Variants in EML5 observed in about 807,000 individuals in gnomAD.
EML5 encodes the protein echinoderm microtubule-associated protein-like 5.
Under a neutral mutation model 250.0 loss-of-function variants are expected in EML5, and 120 were observed. The observed-to-expected ratio is 0.48, with a 90% CI of 0.41 to 0.56. The LOEUF (loss-of-function observed/expected upper bound fraction) is 0.56. Ranked by LOEUF, EML5 falls within the 20% of genes least tolerant of loss-of-function variation. EML5 has a pLI of 0.00. For missense variants in EML5, 2,006 were observed against 2,437.6 expected (o/e 0.82, Z 3.73); for synonymous variants, 771 against 806.5 (o/e 0.96, Z 0.75).
chr14:88,691,434 C>A (rs1380040111), intron 17 of EML5, among the ~76,000 whole-genome samples: 1 of 152,170 alleles, frequency 6.6e-6, no homozygotes, highest in African/African-American at 2.4e-5. Flanking sequence ...AAGTTTGCCA[C>A]CTTTGGTTCA....
intron 17 of EML5, among the ~76,000 whole-genome samples, chr14:88,690,166 G>T (rs999458755): frequency 6.6e-6 from 1 of 152,192 alleles, no homozygotes; most frequent in African/African-American, 2.4e-5. Context: ...CAAAGAAGGG[G>T]AGACAGTAAT....
At position 88,613,865 on chromosome 14, in the gene EML5, A is replaced by G. The variant is rs1030596963; in HGVS notation, c.*1953T>C. On this transcript the variant is annotated 3_prime_UTR_variant, in exon 44 of 44. Coordinates refer to ENST00000554922, the MANE Select transcript of EML5 (RefSeq NM_183387.3). Reference sequence around the variant, plus strand: ...ACATAGGGCAGATTCTATATGGCCTATCATGTTTCTTCACCTTCCCCTCGT... The same window carrying G: ...ACATAGGGCAGATTCTATATGGCCTGTCATGTTTCTTCACCTTCCCCTCGT... The G allele has an allele frequency of 3.3e-5, 5 of 152,238 alleles. No homozygotes were observed. The highest frequency in any genetic ancestry group is 2.1e-4 in the South Asian group (1 of 4,832). The allele number at this position is 152,238 out of a possible 1,614,324, so 9.4% of individuals were successfully genotyped here.
chr14:88,706,489 A>AT (rs1390617854), intron 10 of EML5, 63 bp from the exon 11 acceptor site: 5 of 1,201,768 alleles, frequency 4.2e-6, no homozygotes, highest in African/African-American at 1.6e-5. Context: ...ATTTCAAACA[A>AT]TTTTTATATA....
intron 25 of EML5, among the ~76,000 whole-genome samples, chr14:88,659,011 GCTT>G (rs1020638772): frequency 5.3e-5 from 8 of 151,914 alleles, no homozygotes; most frequent in Non-Finnish European, 7.4e-5. Context: ...ATTCATTAGT[GCTT>G]TTTTTTGTAA....
chr14:88,766,497 C>T (rs796101337), intron 1 of EML5, among the ~76,000 whole-genome samples: 9 of 152,234 alleles, frequency 5.9e-5, no homozygotes, highest in African/African-American at 1.4e-4. Context: ...CTTATTGGGA[C>T]GAGGAAATTC....
intron 1 of EML5, among the ~76,000 whole-genome samples, chr14:88,763,068 A>G (rs1226344919): frequency 6.6e-6 from 1 of 152,332 alleles, no homozygotes; most frequent in East Asian, 1.9e-4. Context: ...AAAGATCTAA[A>G]ATCGACACCC....
Position 88,792,422 on chromosome 14 carries a change from G to A in EML5, c.82C>T (p.Leu28Phe), listed in dbSNP as rs2094620188. ...ATCTCCTTGGCCGCAGTGTAGTAGA[G>A]GTTGTTGCGGCACTGGTGGCCCCGG... The part of the protein sequence containing the change: ...GYRGHQCRNN[L>F]YYTAAKEIVY... Residue 28 changes from leucine to phenylalanine, a missense_variant, in exon 1 of 44, where the codon CTC becomes TTC. Coordinates refer to ENST00000554922, the MANE Select transcript of EML5 (RefSeq NM_183387.3). This position sits in a 1 kb window ranked among gnomAD's most constrained non-coding sequence, Gnocchi z 6.9. 2 of 1,551,400 alleles carry A rather than the reference G, an allele frequency of 1.3e-6. No homozygotes were observed. The highest frequency in any genetic ancestry group is 1.9e-5 in the Admixed American group (1 of 51,414).
intron 1 of EML5, 125 bp from the exon 2 acceptor site, chr14:88,754,796 T>A: frequency 1.1e-6 from 1 of 888,160 alleles, no homozygotes; most frequent in Non-Finnish European, 1.7e-6. Flanking sequence ...TTAGACAATT[T>A]GGATTTTTTA....
At chr14:88,746,034 T>A (rs2093999972) in intron 3 of EML5, 151 bp downstream of exon 3, 2 of 589,938 alleles carry the variant, frequency 3.4e-6, no homozygotes, top group South Asian at 2.3e-5. Flanking sequence ...TTAAGACTTT[T>A]TACATCTGTA....
rs1432768267 is a variant in EML5 at position 88,736,540 on chromosome 14, C to T, written c.873G>A (p.Trp291Ter). Reference sequence around the variant, plus strand: ...TTCCAACTAGAATGTGGTCACCTCGCCAACACACACTCCTTACAGACAAAC... The same window carrying T: ...TTCCAACTAGAATGTGGTCACCTCGTCAACACACACTCCTTACAGACAAAC... ...YKGLSVRSVC[W>*]RGDHILVGTQ... The change falls in exon 7 of 44, where the codon TGG becomes TGA. Residue 291 changes from tryptophan to a stop codon, truncating the protein, a stop_gained. Transcript: ENST00000554922. LOFTEE classifies it high-confidence loss of function. The T allele has an allele frequency of 6.2e-7, 1 of 1,613,776 alleles. No individual in the cohort carries two copies. Among genetic ancestry groups the T allele is most frequent in the Admixed American group, 1.7e-5 (1 of 60,004 alleles).
chr14:88,654,148 T>A (rs1343591447), intron 27 of EML5, among the ~76,000 whole-genome samples: 1 of 152,192 alleles, frequency 6.6e-6, no homozygotes, highest in Non-Finnish European at 1.5e-5. Context: ...CATTTTTTAT[T>A]GTGTCTTTTT....
chr14:88,694,591 A>T (rs1286206173), intron 16 of EML5, among the ~76,000 whole-genome samples, 184 bp from the exon 17 acceptor site: 2 of 152,190 alleles, frequency 1.3e-5, no homozygotes, highest in Non-Finnish European at 2.9e-5. Flanking sequence ...TGCTCAAGAG[A>T]ATCTCAAGAG....
chr14:88,695,340 G>A, intron 16 of EML5, 21 bp downstream of exon 16: 1 of 1,587,174 alleles, frequency 6.3e-7, no homozygotes, highest in Non-Finnish European at 8.6e-7. Context: ...TTGCAAATGT[G>A]ATATCAAGTT....
At position 88,616,232 on chromosome 14, in the gene EML5, TTG is replaced by T; in HGVS notation, c.5805_5806del (p.His1935GlnfsTer19). On this transcript the variant is annotated frameshift_variant, in exon 43 of 44. Transcript: ENST00000554922. LOFTEE classifies it high-confidence loss of function. ...ATGGGGCGAATGACCCAAGAACCTT[TTG>T]TGTTTTGCCTAAAAAACAATGACAG... 6.2e-7 allele frequency: 1 copy of T among 1,613,858 alleles called. No individual in the cohort carries two copies. The highest frequency in any genetic ancestry group is 8.5e-7 in the Non-Finnish European group (1 of 1,179,770).
chr14:88,689,900 C>T (rs1048028241), intron 17 of EML5, among the ~76,000 whole-genome samples: 3 of 152,042 alleles, frequency 2.0e-5, no homozygotes, highest in African/African-American at 7.3e-5. Flanking sequence ...ATATACTGTG[C>T]TAGATGATGA....
intron 4 of EML5, 31 bp from the exon 5 acceptor site, chr14:88,740,603 A>G (rs779917123): frequency 2.0e-6 from 3 of 1,491,540 alleles, no homozygotes; most frequent in Non-Finnish European, 1.8e-6. Context: ...TCAAATTACC[A>G]AAGAATTCTT....
At chr14:88,783,969 GACCACA>G (rs1214996519) in intron 1 of EML5, among the ~76,000 whole-genome samples, 1 of 152,136 alleles carries the variant, frequency 6.6e-6, no homozygotes, top group African/African-American at 2.4e-5. Flanking sequence ...CATCTTCTCT[GACCACA>G]ATGGAATAAA....
intron 2 of EML5, among the ~76,000 whole-genome samples, chr14:88,750,417 C>G (rs2094075178): frequency 6.6e-6 from 1 of 151,722 alleles, no homozygotes; most frequent in South Asian, 2.1e-4. Flanking sequence ...TTACTATAAC[C>G]ATAGTTAAAT....
Position 88,746,432 on chromosome 14 carries a change from A to T in EML5, c.358-149T>A. 4.8e-6 allele frequency: 3 copies of T among 620,382 alleles called. No individual in the cohort carries two copies. In the South Asian group the frequency reaches 6.0e-5, roughly 12 times the overall value. The allele number at this position is 620,382 out of a possible 1,614,324, so 38.4% of individuals were successfully genotyped here. On this transcript the variant is annotated intron_variant, in intron 2 of 43. Coordinates refer to ENST00000554922, the MANE Select transcript of EML5 (RefSeq NM_183387.3). ...TATTTTATAGACCTCATAAAGGCTG[A>T]ATGTATTTCACCTTGTTAGTGTTTC...
Sources: gnomAD v4.1 joint callset for allele counts (sites outside exome capture counted in the v4.1 genomes callset) on GRCh38, gnomAD v4.1.1 for gene constraint, Gnocchi (gnomAD v3.1) non-coding constraint, MANE v1.5 for transcripts, NCBI Gene and HGNC (gene_info 2026-07-23, HGNC 2026-07-21) for gene names.